Variants in KIR2DL1 observed in about 807,000 individuals in gnomAD.
The protein encoded by KIR2DL1 is killer cell immunoglobulin like receptor, two Ig domains and long cytoplasmic tail 1.
In KIR2DL1, 38 loss-of-function variants were observed where a neutral mutation model predicts 33.9. That is an observed-to-expected ratio of 1.12 (90% CI 0.86 to 1.47). KIR2DL1 has a LOEUF of 1.47. Ranked by LOEUF, KIR2DL1 falls within the 40% of genes most tolerant of loss-of-function variation. The probability of loss-of-function intolerance (pLI) is 0.00; values close to 1 mark genes in which losing one functional copy is unlikely to be tolerated. For missense variants in KIR2DL1, 531 were observed against 433.9 expected, an observed-to-expected ratio of 1.22 and a Z score of -1.99; for synonymous variants, 179 against 165.9, an observed-to-expected ratio of 1.08 and a Z score of -0.61.
Position 54,778,647 on chromosome 19 carries a change from C to G in KIR2DL1, c.700C>G (p.Pro234Ala). The stretch of plus-strand genomic sequence containing the variant: ...AAATAGTTGGCCTTCACCCACTGAA[C>G]CAAGCTCCAAAACCGGTGAGTACAG... ...PSNSWPSPTE[P>A]SSKTGNPRHL... Residue 234 changes from proline to alanine, a missense_variant, in exon 5 of 8, where the codon CCA becomes GCA. Pro to Ala is a conservative substitution (Grantham distance 27). Coordinates refer to ENST00000336077, the MANE Select transcript of KIR2DL1 (RefSeq NM_014218.3). The G allele has an allele frequency of 6.4e-7, 1 of 1,566,916 alleles. No homozygotes were observed. Among genetic ancestry groups the G allele is most frequent in the Non-Finnish European group, 8.7e-7 (1 of 1,144,118 alleles).
intron 4 of KIR2DL1, 114 bp downstream of exon 4, chr19:54,775,572 G>T (rs577310175): frequency 1.5e-6 from 2 of 1,317,924 alleles, no homozygotes; most frequent in Non-Finnish European, 2.1e-6. Flanking sequence ...ACGCAGCCTC[G>T]GTGTGAGGGA....
In KIR2DL1 at chr19:54,769,888, A is replaced by G; in HGVS notation, c.34+4A>G. 1 of 1,567,608 alleles carries G rather than the reference A, an allele frequency of 6.4e-7. No individual in the cohort carries two copies. Among genetic ancestry groups the G allele is most frequent in the South Asian group, 1.1e-5 (1 of 89,124 alleles). ...GTCGTCAGCATGGCGTGTGTTGGTG[A>G]GTCCTGGAAAGCAATAGAGGGAGGG... On this transcript the variant is annotated splice_donor_region_variant and intron_variant, in intron 1 of 7. Coordinates refer to ENST00000336077, the MANE Select transcript of KIR2DL1 (RefSeq NM_014218.3).
At chr19:54,779,344 A>T (rs1408558175) in intron 5 of KIR2DL1, among the ~76,000 whole-genome samples, 2 of 149,018 alleles carry the variant, frequency 1.3e-5, no homozygotes, top group African/African-American at 4.9e-5. Context: ...CTTCCCTCTG[A>T]GGATTCCAGG....
chr19:54,769,896 A>C lies in KIR2DL1; in HGVS notation c.34+12A>C. ...CATGGCGTGTGTTGGTGAGTCCTGG[A>C]AAGCAATAGAGGGAGGGAGTGAGGG... On this transcript the variant is annotated intron_variant, in intron 1 of 7. Coordinates refer to ENST00000336077, the MANE Select transcript of KIR2DL1 (RefSeq NM_014218.3). 1 of 1,566,084 alleles carries C rather than the reference A, an allele frequency of 6.4e-7. No homozygotes were observed. The highest frequency in any genetic ancestry group is 8.7e-7 in the Non-Finnish European group (1 of 1,144,358).
intron 5 of KIR2DL1, among the ~76,000 whole-genome samples, chr19:54,780,451 A>G (rs189049668): frequency 0.095 from 9,484 of 100,350 alleles, 18 homozygotes; most frequent in Middle Eastern, 0.18. Context: ...ACGACTGTAG[A>G]GAGACGGAGA....
At chr19:54,777,922 A>G (rs1260298544) in intron 4 of KIR2DL1, among the ~76,000 whole-genome samples, 1 of 148,236 alleles carries the variant, frequency 6.7e-6, no homozygotes, top group African/African-American at 2.5e-5. Context: ...GTTTATTGAA[A>G]AGACTGTCCT....
intron 5 of KIR2DL1, chr19:54,780,119 G>C (rs1286554200): frequency 3.2e-4 from 164 of 505,058 alleles, no homozygotes; most frequent in African/African-American, 9.4e-4. Flanking sequence ...GGCCAAGCTT[G>C]TCTGAAACTC....
At chr19:54,782,098 T>G (rs2077030882) in intron 5 of KIR2DL1, among the ~76,000 whole-genome samples, 1 of 152,082 alleles carries the variant, frequency 6.6e-6, no homozygotes, top group East Asian at 1.9e-4. Context: ...GAAAAGCTCC[T>G]CGGGACATAT....
At chr19:54,776,019 G>A (rs568166665) in intron 4 of KIR2DL1, among the ~76,000 whole-genome samples, 1 of 146,272 alleles carries the variant, frequency 6.8e-6, no homozygotes, top group East Asian at 2.0e-4. Flanking sequence ...AGCCACCTGA[G>A]TAGCTAGTGC....
At chr19:54,783,252 C>T in intron 6 of KIR2DL1, among the ~76,000 whole-genome samples, 1 of 151,706 alleles carries the variant, frequency 6.6e-6, no homozygotes, top group Non-Finnish European at 1.5e-5. Flanking sequence ...CACTCACATC[C>T]AGGAGAAGGT....
intron 3 of KIR2DL1, among the ~76,000 whole-genome samples, chr19:54,774,675 A>G (rs2076123520): frequency 6.7e-6 from 1 of 148,298 alleles, no homozygotes. Context: ...TAGAGAAATC[A>G]TAGAGAGAGA....
chr19:54,782,993 C>A lies in KIR2DL1; in HGVS notation c.787C>A (p.Leu263Ile). The A allele has an allele frequency of 1.2e-6, 2 of 1,613,752 alleles. No individual in the cohort carries two copies. Among genetic ancestry groups the A allele is most frequent in the Non-Finnish European group, 1.7e-6 (2 of 1,179,884 alleles). ...VIILFILLFF[L>I]LHRWCSNKKN... ...CATCCTCTTCATCCTCCTCTTCTTT[C>A]TCCTTCATCGCTGGTGCTCCAACAA... Residue 263 changes from leucine (L) to isoleucine (I), a missense_variant, in exon 6 of 8, where the codon CTC becomes ATC. Leu to Ile is a conservative substitution (Grantham distance 5). Coordinates refer to ENST00000336077, the MANE Select transcript of KIR2DL1 (RefSeq NM_014218.3).
At position 54,773,595 on chromosome 19, in the gene KIR2DL1, G is replaced by A. The variant is rs146018667; in HGVS notation, c.333G>A (p.Val111=). 4.5e-6 allele frequency: 7 copies of A among 1,541,680 alleles called. 1 individual carries two copies. The African/African-American group carries it at 8.4e-5, about 18-fold the overall frequency. ...YGSVTHSPYQ[V]SAPSDPLDIV... ...CTGTTACTCACTCCCCCTATCAGGT[G>A]TCAGCTCCCAGTGACCCTCTGGACA... Residue 111 remains valine, a synonymous_variant, in exon 3 of 8, where the codon GTG becomes GTA. Transcript: ENST00000336077.
At chr19:54,779,267 A>G (rs373941565) in intron 5 of KIR2DL1, among the ~76,000 whole-genome samples, 635 of 135,894 alleles carry the variant, frequency 4.7e-3, no homozygotes, top group South Asian at 5.8e-3. Context: ...TAATTATCTT[A>G]CAGTGCTGTA....
At chr19:54,774,125 A>G (rs2076068366) in intron 3 of KIR2DL1, among the ~76,000 whole-genome samples, 1 of 148,734 alleles carries the variant, frequency 6.7e-6, no homozygotes, top group Non-Finnish European at 1.5e-5. Flanking sequence ...GTCCCAGGAT[A>G]TCATGGCCCC....
intron 4 of KIR2DL1, among the ~76,000 whole-genome samples, chr19:54,776,681 C>T (rs2076384366): frequency 7.0e-6 from 1 of 143,860 alleles, no homozygotes; most frequent in Non-Finnish European, 1.5e-5. Flanking sequence ...CCTCCTTAGC[C>T]CAAGCTGGAG....
chr19:54,772,483 T>C (rs1159595543), intron 2 of KIR2DL1, among the ~76,000 whole-genome samples: 1 of 145,820 alleles, frequency 6.9e-6, no homozygotes, highest in African/African-American at 2.5e-5. Flanking sequence ...ATGCTTCTGA[T>C]AATTTTCTAC....
At chr19:54,779,348 T>C (rs1016428794) in intron 5 of KIR2DL1, among the ~76,000 whole-genome samples, 4 of 148,964 alleles carry the variant, frequency 2.7e-5, no homozygotes, top group African/African-American at 4.9e-5. Context: ...CCTCTGAGGA[T>C]TCCAGGCACG....
chr19:54,781,861 C>A (rs562617661), intron 5 of KIR2DL1, among the ~76,000 whole-genome samples: 1,907 of 151,878 alleles, frequency 0.013, 42 homozygotes, highest in African/African-American at 0.044. Flanking sequence ...TGTAGAAACC[C>A]TAAAGCACAT....
Sources: gnomAD v4.1 joint callset for allele counts (sites outside exome capture counted in the v4.1 genomes callset) on GRCh38, gnomAD v4.1.1 for gene constraint, MANE v1.5 for transcripts, NCBI Gene and HGNC (gene_info 2026-07-23, HGNC 2026-07-21) for gene names.